Variants in CNTN1 observed in about 807,000 individuals in gnomAD.
CNTN1 encodes contactin-1.
A neutral mutation model predicts 126.4 loss-of-function variants in CNTN1; 38 were observed. The observed-to-expected ratio is 0.30, with a 90% CI of 0.23 to 0.39. CNTN1 has a LOEUF of 0.39. Ranked by LOEUF, CNTN1 falls within the 10% of genes least tolerant of loss-of-function variation. The pLI is 1.00. For synonymous variants in CNTN1, 413 were observed against 422.6 expected, an observed-to-expected ratio of 0.98 and a Z score of 0.28; for missense variants, 1,009 against 1,248.4, an observed-to-expected ratio of 0.81 and a Z score of 2.89.
chr12:40,746,620 G>C (rs1229854346), intron 1 of CNTN1, among the ~76,000 whole-genome samples: 1 of 152,100 alleles, frequency 6.6e-6, no homozygotes, highest in Non-Finnish European at 1.5e-5. Flanking sequence ...ATACTTCCAA[G>C]GTCTTGCATC....
chr12:40,868,629 C>T (rs917713326), intron 1 of CNTN1, among the ~76,000 whole-genome samples: 4 of 152,096 alleles, frequency 2.6e-5, no homozygotes, highest in African/African-American at 9.7e-5. Context: ...TAAAAATTGC[C>T]CTCTTTGCTC....
chr12:40,872,699 T>C (rs956018021), intron 1 of CNTN1, among the ~76,000 whole-genome samples: 1 of 150,924 alleles, frequency 6.6e-6, no homozygotes, highest in Non-Finnish European at 1.5e-5. Context: ...GCCTCCTGAG[T>C]AGCTGAGATT....
intron 1 of CNTN1, among the ~76,000 whole-genome samples, chr12:40,858,480 A>C (rs948930458): frequency 2.6e-5 from 4 of 152,178 alleles, no homozygotes; most frequent in African/African-American, 9.7e-5. Flanking sequence ...GCAATTACTA[A>C]AAAAGTCAAG....
intron 1 of CNTN1, among the ~76,000 whole-genome samples, chr12:40,853,632 A>T (rs1410257534): frequency 2.6e-5 from 4 of 152,086 alleles, no homozygotes; most frequent in Admixed American, 2.0e-4. Context: ...GATAAACAAG[A>T]GATATACAAG....
At chr12:40,960,977 A>G (rs902949765) in intron 15 of CNTN1, among the ~76,000 whole-genome samples, 15 of 152,072 alleles carry the variant, frequency 9.9e-5, no homozygotes, top group Non-Finnish European at 2.1e-4. Context: ...TACTATTACC[A>G]TAGAATACTC....
intron 1 of CNTN1, among the ~76,000 whole-genome samples, chr12:40,875,964 T>C (rs1943653922): frequency 6.6e-6 from 1 of 152,074 alleles, no homozygotes; most frequent in Non-Finnish European, 1.5e-5. Context: ...CACCTCTCTC[T>C]TTGATCACAC....
chr12:40,916,073 C>G (rs1448598220), intron 3 of CNTN1, among the ~76,000 whole-genome samples: 1 of 152,080 alleles, frequency 6.6e-6, no homozygotes, highest in Non-Finnish European at 1.5e-5. Context: ...TCTTTATGAA[C>G]TTTACACTCC....
At chr12:41,037,663 TAC>T (rs55890336) in intron 23 of CNTN1, among the ~76,000 whole-genome samples, 20,073 of 144,132 alleles carry the variant, frequency 0.14, 1,358 homozygotes, top group Middle Eastern at 0.19. Flanking sequence ...GTGTGTTTAA[TAC>T]ACACACACAC....
chr12:40,782,777 A>G (rs1939854060), intron 1 of CNTN1, among the ~76,000 whole-genome samples: 1 of 152,028 alleles, frequency 6.6e-6, no homozygotes, highest in Non-Finnish European at 1.5e-5. Flanking sequence ...TTATAATATC[A>G]TAGTTGAGTG....
intron 17 of CNTN1, among the ~76,000 whole-genome samples, chr12:41,009,243 G>A (rs1055987770): frequency 6.6e-6 from 1 of 152,212 alleles, no homozygotes; most frequent in Non-Finnish European, 1.5e-5. Context: ...ACTGGATGGT[G>A]GAACCCTCTG....
intron 23 of CNTN1, among the ~76,000 whole-genome samples, chr12:41,057,449 T>A (rs1949851271): frequency 6.6e-6 from 1 of 151,872 alleles, no homozygotes; most frequent in Non-Finnish European, 1.5e-5. Context: ...AAGTTTAATG[T>A]GCAACTAATT....
At chr12:40,942,424 C>T (rs1397984697) in intron 12 of CNTN1, among the ~76,000 whole-genome samples, 4 of 152,238 alleles carry the variant, frequency 2.6e-5, no homozygotes, top group Admixed American at 6.6e-5. Context: ...GACTGCACTG[C>T]ACTTCTAAGA....
intron 1 of CNTN1, among the ~76,000 whole-genome samples, chr12:40,794,059 A>G (rs1268919420): frequency 6.6e-6 from 1 of 152,026 alleles, no homozygotes; most frequent in Non-Finnish European, 1.5e-5. Context: ...TGTGCGTACA[A>G]CCTGAAAATC....
chr12:40,873,648 G>A (rs1444650690), intron 1 of CNTN1, among the ~76,000 whole-genome samples: 1 of 152,102 alleles, frequency 6.6e-6, no homozygotes, highest in African/African-American at 2.4e-5. Flanking sequence ...TGCAGTCCAT[G>A]ATATTTGCCC....
intron 1 of CNTN1, among the ~76,000 whole-genome samples, chr12:40,883,278 T>G (rs80285662): frequency 0.019 from 2,903 of 151,648 alleles, 96 homozygotes; most frequent in African/African-American, 0.066. Flanking sequence ...TTTCTGGTAT[T>G]GAGAAAAATG....
intron 23 of CNTN1, chr12:41,061,848 G>A (rs1416590675): frequency 2.2e-6 from 1 of 455,414 alleles, no homozygotes. Flanking sequence ...ATTCTCTGTT[G>A]CTAAAGTTAT....
chr12:41,006,304 G>C (rs1412594352), intron 17 of CNTN1, among the ~76,000 whole-genome samples: 7 of 152,194 alleles, frequency 4.6e-5, no homozygotes, highest in African/African-American at 1.4e-4. Context: ...GAGGGCTAAG[G>C]TGTAGCAGCT....
chr12:40,848,888 TC>T (rs1942615745), intron 1 of CNTN1, among the ~76,000 whole-genome samples: 1 of 151,778 alleles, frequency 6.6e-6, no homozygotes, highest in African/African-American at 2.4e-5. Context: ...ATCACTTCTT[TC>T]CCTATGGATT....
intron 6 of CNTN1, among the ~76,000 whole-genome samples, chr12:40,925,571 G>GTATATATACATGTATATA (rs1565961510): frequency 3.8e-5 from 5 of 130,370 alleles, no homozygotes; most frequent in African/African-American, 1.1e-4. Context: ...GTATATATAC[G>GTATATATACATGTATATA]TATATACGTA....
Sources: gnomAD v4.1 joint callset for allele counts (sites outside exome capture counted in the v4.1 genomes callset) on GRCh38, gnomAD v4.1.1 for gene constraint, MANE v1.5 for transcripts, NCBI Gene and HGNC (gene_info 2026-07-23, HGNC 2026-07-21) for gene names.